RIN3: variants seen among roughly 807,000 people sequenced by gnomAD.
The protein encoded by RIN3 is RAB5 interacting protein 3.
A neutral mutation model predicts 76.3 loss-of-function variants in RIN3; 54 were observed. The ratio of observed to expected loss-of-function variants is 0.71; its 90% confidence interval spans 0.57 to 0.89. The LOEUF is 0.89. Among genes scored for constraint, RIN3 ranks in the 40% least tolerant of loss-of-function variants. The pLI, the probability that RIN3 is intolerant of heterozygous loss-of-function variation, is 0.00. For synonymous variants in RIN3, 576 were observed against 564.0 expected, an observed-to-expected ratio of 1.02 and a Z score of -0.30; for missense variants, 1,256 against 1,322.1, an observed-to-expected ratio of 0.95 and a Z score of 0.78.
intron 2 of RIN3, among the ~76,000 whole-genome samples, chr14:92,561,625 A>G (rs1054501279): frequency 2.6e-5 from 4 of 152,164 alleles, no homozygotes; most frequent in Non-Finnish European, 5.9e-5. Context: ...ATTCGCCACA[A>G]TTAAGAAACT....
intron 2 of RIN3, among the ~76,000 whole-genome samples, chr14:92,573,521 G>GGTGC (rs1898124024): frequency 6.6e-6 from 1 of 152,116 alleles, no homozygotes; most frequent in South Asian, 2.1e-4. Flanking sequence ...CCTCTAAGCA[G>GGTGC]GTGCTTAGTC....
At chr14:92,617,235 G>A (rs182212605) in intron 4 of RIN3, among the ~76,000 whole-genome samples, 3 of 152,248 alleles carry the variant, frequency 2.0e-5, no homozygotes, top group Admixed American at 1.3e-4. Context: ...GGGAGGCAGA[G>A]GTTGCAGTGA....
At chr14:92,601,599 C>G (rs952810314) in intron 3 of RIN3, among the ~76,000 whole-genome samples, 1 of 152,228 alleles carries the variant, frequency 6.6e-6, no homozygotes, top group Admixed American at 6.5e-5. Context: ...TCCCCGTCCC[C>G]TCTGCTCCCA....
intron 1 of RIN3, among the ~76,000 whole-genome samples, chr14:92,534,219 A>T (rs1896943893): frequency 6.6e-6 from 1 of 151,852 alleles, no homozygotes; most frequent in Non-Finnish European, 1.5e-5. Flanking sequence ...ATTAAAAAAA[A>T]ATATCCTTTG....
chr14:92,606,244 A>G (rs1220335240), intron 3 of RIN3, among the ~76,000 whole-genome samples: 1 of 152,164 alleles, frequency 6.6e-6, no homozygotes, highest in Non-Finnish European at 1.5e-5. Flanking sequence ...TCTAGAATAT[A>G]TAAAGAACTC....
chr14:92,672,650 A>G (rs56216538), intron 7 of RIN3, among the ~76,000 whole-genome samples: 41,005 of 145,734 alleles, frequency 0.28, 6,783 homozygotes, highest in Non-Finnish European at 0.36. Context: ...TTATATATAT[A>G]TGTGTGTGCA....
Position 92,685,056 on chromosome 14 carries a change from C to A in RIN3, c.2537C>A (p.Thr846Asn). 6.2e-7 allele frequency: 1 copy of A among 1,614,030 alleles called. No individual in the cohort carries two copies. The highest frequency in any genetic ancestry group is 2.2e-5 in the East Asian group (1 of 44,884). ...HIKSYDKITVTRQLSVEVQDS... is the reference protein window; with the variant it reads ...HIKSYDKITVNRQLSVEVQDS... The stretch of plus-strand genomic sequence containing the variant: ...AAGAGCTACGACAAGATCACGGTGA[C>A]CCGGCAGCTGAGTGTGGAGGTGCAG... Residue 846 changes from threonine to asparagine, a missense_variant, in exon 9 of 10, where the codon ACC (threonine) becomes AAC (asparagine). Coordinates refer to ENST00000216487, the MANE Select transcript of RIN3 (RefSeq NM_024832.5). This position sits in a 1 kb window ranked among gnomAD's most constrained non-coding sequence, Gnocchi z 4.7.
In RIN3 at chr14:92,593,119, A is replaced by G. The variant is rs115712881; in HGVS notation, c.367+15642A>G. On this transcript the variant is annotated intron_variant, in intron 3 of 9. Coordinates refer to ENST00000216487, the MANE Select transcript of RIN3 (RefSeq NM_024832.5). ...TTGAAAATGGACTTGGATTGGTTGT[A>G]AATGTATGTTGCAAACTCTAGGACA... Among the ~76,000 whole-genome samples, 975 of 152,314 alleles carry G rather than the reference A, an allele frequency of 6.4e-3. 10 individuals carry two copies. The highest frequency in any genetic ancestry group is 0.021 in the African/African-American group (886 of 41,558).
At chr14:92,637,345 C>T (rs1212148519) in intron 4 of RIN3, among the ~76,000 whole-genome samples, 4 of 152,054 alleles carry the variant, frequency 2.6e-5, no homozygotes, top group African/African-American at 7.2e-5. Flanking sequence ...GTTCATGCTT[C>T]TATGAGAATG....
chr14:92,546,566 TGCA>T (rs894604061), intron 1 of RIN3, among the ~76,000 whole-genome samples: 2 of 152,240 alleles, frequency 1.3e-5, no homozygotes, highest in Non-Finnish European at 2.9e-5. Context: ...TAGTAAATGC[TGCA>T]GCAGCAGTGG....
intron 3 of RIN3, among the ~76,000 whole-genome samples, chr14:92,598,757 A>T (rs548352442): frequency 2.3e-4 from 35 of 152,314 alleles, no homozygotes; most frequent in Admixed American, 2.0e-4. Flanking sequence ...CATGCTACAG[A>T]AATAGCAGTT....
chr14:92,640,212 G>A (rs1186302610), intron 4 of RIN3, among the ~76,000 whole-genome samples: 1 of 85,360 alleles, frequency 1.2e-5, no homozygotes. Flanking sequence ...GGGGCTGCCT[G>A]ACTGTGCGTT....
intron 8 of RIN3, among the ~76,000 whole-genome samples, chr14:92,680,442 T>G (rs1206126993): frequency 1.3e-5 from 2 of 152,080 alleles, no homozygotes; most frequent in African/African-American, 2.4e-5. Context: ...TCAAGTGATC[T>G]GCCTGCCTCA....
intron 1 of RIN3, among the ~76,000 whole-genome samples, chr14:92,554,084 A>G (rs1449255471): frequency 1.3e-5 from 2 of 152,168 alleles, no homozygotes; most frequent in Non-Finnish European, 2.9e-5. Flanking sequence ...GGAAGGCACC[A>G]TCCACAGCTT....
intron 1 of RIN3, among the ~76,000 whole-genome samples, chr14:92,542,165 G>A (rs1340238107): frequency 6.6e-6 from 1 of 152,174 alleles, no homozygotes; most frequent in Non-Finnish European, 1.5e-5. Flanking sequence ...GCACATGCCT[G>A]TGATCCCAGC....
chr14:92,599,428 G>T (rs1885265338), intron 3 of RIN3, among the ~76,000 whole-genome samples: 1 of 152,188 alleles, frequency 6.6e-6, no homozygotes, highest in Admixed American at 6.5e-5. Context: ...GGCAGAAATG[G>T]CATGATGAAG....
intron 3 of RIN3, among the ~76,000 whole-genome samples, chr14:92,589,769 T>C (rs528171780): frequency 1.2e-3 from 181 of 152,328 alleles, no homozygotes; most frequent in African/African-American, 3.8e-3. Flanking sequence ...CCCCTTCCCA[T>C]GTGACGTGGG....
intron 1 of RIN3, among the ~76,000 whole-genome samples, chr14:92,555,287 T>C (rs138058697): frequency 6.6e-6 from 1 of 152,224 alleles, no homozygotes; most frequent in Admixed American, 6.5e-5. Context: ...GAACTGTGCT[T>C]CTGTTACATT....
intron 3 of RIN3, among the ~76,000 whole-genome samples, chr14:92,588,330 C>T (rs1417885056): frequency 7.1e-6 from 1 of 139,884 alleles, no homozygotes; most frequent in Non-Finnish European, 1.5e-5. Flanking sequence ...TGGGTTCAAG[C>T]AATTCTCCTG....
Sources: gnomAD v4.1 joint callset for allele counts (sites outside exome capture counted in the v4.1 genomes callset) on GRCh38, gnomAD v4.1.1 for gene constraint, Gnocchi (gnomAD v3.1) non-coding constraint, MANE v1.5 for transcripts, NCBI Gene and HGNC (gene_info 2026-07-23, HGNC 2026-07-21) for gene names.